The following RREB1 variants were observed in gnomAD, a reference collection of about 807,000 sequenced individuals.
The protein encoded by RREB1 is ras responsive element binding protein 1, also known as ras-responsive element-binding protein 1.
RREB1 carries 27 observed loss-of-function variants against 117.8 expected under a neutral mutation model. The observed-to-expected ratio is 0.23, with a 90% CI of 0.17 to 0.32. The LOEUF is 0.32. Ranked by LOEUF, RREB1 falls within the 10% of genes least tolerant of loss-of-function variation. RREB1 has a pLI of 1.00. For missense variants in RREB1, 2,577 were observed against 2,378.2 expected, an observed-to-expected ratio of 1.08 and a Z score of -1.74; for synonymous variants, 1,298 against 1,026.7, an observed-to-expected ratio of 1.26 and a Z score of -5.05.
intron 1 of RREB1, among the ~76,000 whole-genome samples, chr6:7,143,451 G>A (rs1243082895): frequency 6.6e-6 from 1 of 152,182 alleles, no homozygotes; most frequent in Non-Finnish European, 1.5e-5. Context: ...GTGTGGGGAG[G>A]TGCATGTTCT....
chr6:7,231,020 C>T lies in RREB1; in HGVS notation c.2921C>T (p.Ala974Val), dbSNP rs1422076601. ...AGCGAGCAGCCCTCTCCCTGCCCAG[C>T]ACCCGGCCCTTCTCTTCCTGTAACT... ...GSSEQPSPCPAPGPSLPVTLG... is the reference protein window; with the variant it reads ...GSSEQPSPCPVPGPSLPVTLG... Residue 974 changes from alanine (A) to valine (V), a missense_variant, in exon 10 of 13, where the codon GCA becomes GTA. Physicochemically the swap from Ala to Val is moderately conservative, Grantham distance 64. Transcript: ENST00000379938. The T allele has an allele frequency of 6.2e-7, 1 of 1,614,000 alleles. No individual in the cohort carries two copies. Among genetic ancestry groups the T allele is most frequent in the African/African-American group, 1.3e-5 (1 of 74,942 alleles).
At chr6:7,223,488 G>C (rs748717836) in intron 8 of RREB1, among the ~76,000 whole-genome samples, 7 of 149,128 alleles carry the variant, frequency 4.7e-5, no homozygotes, top group Non-Finnish European at 1.0e-4. Flanking sequence ...TTGAACCGGG[G>C]AAGCAGAGGT....
In RREB1 at chr6:7,146,470, G is replaced by A. The variant is rs542711528; in HGVS notation, c.-284-30185G>A. On this transcript the variant is annotated intron_variant, in intron 1 of 12. Transcript: ENST00000379938. ...CAGTGAGGTGGAGTCACTGCAACTCGGTGCCAGCAAGTCAGGAGACATTAC... is the reference window on the plus strand; with the variant it reads ...CAGTGAGGTGGAGTCACTGCAACTCAGTGCCAGCAAGTCAGGAGACATTAC... Among the ~76,000 whole-genome samples the A allele has an allele frequency of 6.6e-4, 101 of 152,192 alleles. 3 individuals are homozygous for A. The highest frequency in any genetic ancestry group is 2.3e-3 in the African/African-American group (95 of 41,524).
chr6:7,171,340 G>C (rs767254014), intron 1 of RREB1, among the ~76,000 whole-genome samples: 5 of 152,132 alleles, frequency 3.3e-5, no homozygotes, highest in Non-Finnish European at 7.4e-5. Flanking sequence ...CTGCCTTGAC[G>C]GGGACGGAAA....
At position 7,229,406 on chromosome 6, in the gene RREB1, A is replaced by T. The variant is rs1581571228; in HGVS notation, c.1307A>T (p.His436Leu). The stretch of plus-strand genomic sequence containing the variant: ...CCCGCGACCAAGGACAGCATAAAGC[A>T]CCTGTCCCTGCAGCCCTTCCAGAAG... ...VLPATKDSIK[H>L]LSLQPFQKGF... Residue 436 changes from histidine (H) to leucine (L), a missense_variant, in exon 10 of 13, where the codon CAC becomes CTC. Coordinates refer to ENST00000379938, the MANE Select transcript of RREB1 (RefSeq NM_001003699.4). The surrounding 1 kb of genome is among the most constrained non-coding windows in gnomAD (Gnocchi z 4.5). The T allele has an allele frequency of 6.2e-7, 1 of 1,613,966 alleles. No individual in the cohort carries two copies. The highest frequency in any genetic ancestry group is 1.7e-5 in the Admixed American group (1 of 59,998).
At chr6:7,204,677 G>A (rs533588064) in intron 6 of RREB1, among the ~76,000 whole-genome samples, 2 of 152,240 alleles carry the variant, frequency 1.3e-5, no homozygotes, top group African/African-American at 4.8e-5. Flanking sequence ...GTGTCCTGAC[G>A]GAGTGACTTT....
At chr6:7,197,184 TA>T (rs778317323) in intron 6 of RREB1, among the ~76,000 whole-genome samples, 57 of 152,366 alleles carry the variant, frequency 3.7e-4, no homozygotes, top group Middle Eastern at 3.4e-3. Context: ...TCATTTGGAA[TA>T]AAGCCTGTCT....
At chr6:7,201,566 G>A (rs1444923981) in intron 6 of RREB1, among the ~76,000 whole-genome samples, 1 of 135,580 alleles carries the variant, frequency 7.4e-6, no homozygotes, top group Non-Finnish European at 1.5e-5. Flanking sequence ...CTTAGCCTGT[G>A]TATTCATGAC....
intron 10 of RREB1, among the ~76,000 whole-genome samples, chr6:7,234,303 A>G (rs1422807270): frequency 2.0e-5 from 3 of 151,972 alleles, no homozygotes; most frequent in Admixed American, 6.6e-5. Context: ...TTCTGTTACC[A>G]CTTTTCAGAA....
intron 12 of RREB1, 65 bp from the exon 13 acceptor site, chr6:7,248,446 A>G: frequency 1.4e-6 from 2 of 1,395,152 alleles, no homozygotes. Flanking sequence ...CTTCCTGTGC[A>G]GAGCAGGGTG....
chr6:7,239,463 A>G (rs745585916), intron 10 of RREB1, among the ~76,000 whole-genome samples: 8 of 152,056 alleles, frequency 5.3e-5, no homozygotes, highest in Non-Finnish European at 1.0e-4. Context: ...CCTCACATGC[A>G]TCCGCACAAA....
intron 8 of RREB1, chr6:7,216,284 G>A (rs1225831470): frequency 1.3e-5 from 2 of 152,196 alleles, no homozygotes; most frequent in African/African-American, 4.8e-5. Flanking sequence ...GGCAGGCAGA[G>A]GGATCTGGTG....
chr6:7,184,045 T>G (rs1764940547), intron 4 of RREB1: 1 of 152,114 alleles, frequency 6.6e-6, no homozygotes, highest in African/African-American at 2.4e-5. Flanking sequence ...CTGCAATAAC[T>G]GGATTCAGAA....
At chr6:7,125,922 C>G (rs1761886159) in intron 1 of RREB1, among the ~76,000 whole-genome samples, 2 of 152,198 alleles carry the variant, frequency 1.3e-5, no homozygotes, top group African/African-American at 4.8e-5. Flanking sequence ...CTGGCAGATA[C>G]TGAATTACGG....
intron 1 of RREB1, among the ~76,000 whole-genome samples, chr6:7,166,056 C>T (rs1364442432): frequency 6.6e-6 from 1 of 152,224 alleles, no homozygotes; most frequent in Non-Finnish European, 1.5e-5. Context: ...GGGCGGTGGC[C>T]CTTTGTGCAG....
intron 8 of RREB1, chr6:7,216,320 T>C (rs1342737057): frequency 1.3e-5 from 2 of 152,242 alleles, no homozygotes; most frequent in Admixed American, 1.3e-4. Context: ...CTTGGGATTT[T>C]ACATCAGAGG....
chr6:7,193,533 C>T (rs1765517378), intron 6 of RREB1, among the ~76,000 whole-genome samples: 1 of 152,136 alleles, frequency 6.6e-6, no homozygotes, highest in African/African-American at 2.4e-5. Flanking sequence ...CTTTTAACTA[C>T]CACAGATTGA....
Position 7,229,988 on chromosome 6 carries a change from C to G in RREB1, c.1889C>G (p.Pro630Arg). 6.2e-7 allele frequency: 1 copy of G among 1,607,578 alleles called. No individual in the cohort carries two copies. The highest frequency in any genetic ancestry group is 8.5e-7 in the Non-Finnish European group (1 of 1,175,724). The change falls in exon 10 of 13, where the codon CCC (proline) becomes CGC (arginine). Residue 630 changes from proline to arginine, a missense_variant. Pro to Arg is a moderately radical substitution (Grantham distance 103). Transcript: ENST00000379938. This position sits in a 1 kb window ranked among gnomAD's most constrained non-coding sequence, Gnocchi z 4.5. Reference sequence around the variant, plus strand: ...GAACTCAAGGCCTTCATGACAGCGCCCGGCGGCAAGAAGACGCCCGCCATG... The same window carrying G: ...GAACTCAAGGCCTTCATGACAGCGCGCGGCGGCAAGAAGACGCCCGCCATG... The part of the protein sequence containing the change: ...EGELKAFMTA[P>R]GGKKTPAMRK...
chr6:7,161,050 C>T (rs879795877), intron 1 of RREB1, among the ~76,000 whole-genome samples: 2 of 152,114 alleles, frequency 1.3e-5, no homozygotes, highest in African/African-American at 2.4e-5. Flanking sequence ...AGGCTGATCT[C>T]GAACTCTAGG....
Sources: gnomAD v4.1 joint callset for allele counts (sites outside exome capture counted in the v4.1 genomes callset) on GRCh38, gnomAD v4.1.1 for gene constraint, Gnocchi (gnomAD v3.1) non-coding constraint, MANE v1.5 for transcripts, NCBI Gene and HGNC (gene_info 2026-07-23, HGNC 2026-07-21) for gene names.